CHCHD6: variants seen among roughly 807,000 people sequenced by gnomAD.
CHCHD6 encodes coiled-coil-helix-coiled-coil-helix domain containing 6.
Under a neutral mutation model 32.3 loss-of-function variants are expected in CHCHD6, and 28 were observed. The ratio of observed to expected loss-of-function variants is 0.87; its 90% CI spans 0.64 to 1.19. CHCHD6 has a LOEUF of 1.19. Ranked by LOEUF, CHCHD6 falls within the 50% of genes most tolerant of loss-of-function variation. The pLI is 0.00. For missense variants in CHCHD6, 333 were observed against 307.0 expected (o/e 1.08, Z -0.63); for synonymous variants, 122 against 117.5 (o/e 1.04, Z -0.25).
At chr3:126,798,404 G>A (rs763906691) in intron 4 of CHCHD6, among the ~76,000 whole-genome samples, 6 of 152,198 alleles carry the variant, frequency 3.9e-5, no homozygotes, top group Non-Finnish European at 7.3e-5. Context: ...TTCTGCTGAG[G>A]TTTCTCGGGT....
chr3:126,909,110 G>A (rs543102563), intron 5 of CHCHD6, among the ~76,000 whole-genome samples: 3 of 152,366 alleles, frequency 2.0e-5, no homozygotes, highest in South Asian at 4.1e-4. Flanking sequence ...GCCCAGCACA[G>A]CCTGTGCACA....
chr3:126,829,043 C>G (rs765221589), intron 4 of CHCHD6, among the ~76,000 whole-genome samples: 38 of 152,158 alleles, frequency 2.5e-4, no homozygotes, highest in Non-Finnish European at 4.0e-4. Flanking sequence ...GGGGTTATTT[C>G]CTAAACCTTC....
At position 126,733,124 on chromosome 3, in the gene CHCHD6, G is replaced by C. The variant is rs1409143517; in HGVS notation, c.313G>C (p.Ala105Pro). 2.5e-6 allele frequency: 4 copies of C among 1,614,198 alleles called. No individual in the cohort carries two copies. The highest frequency in any genetic ancestry group is 2.5e-6 in the Non-Finnish European group (3 of 1,180,010). The change falls in exon 4 of 8, where the codon GCA becomes CCA. Residue 105 changes from alanine (A) to proline (P), a missense_variant. By Grantham distance (27) the Ala-to-Pro change is conservative (BLOSUM62 -1). Coordinates refer to ENST00000290913, the MANE Select transcript of CHCHD6 (RefSeq NM_032343.3). ...TATCCAGGATAAGCTCTTCCAGGTG[G>C]CAAAGAGGGAAAGAGAGGCTGCCAC... ...AAIQDKLFQV[A>P]KREREAATKH...
intron 4 of CHCHD6, among the ~76,000 whole-genome samples, chr3:126,791,969 T>A (rs1022019416): frequency 1.1e-4 from 16 of 152,230 alleles, no homozygotes; most frequent in African/African-American, 3.6e-4. Flanking sequence ...TAGAATTATA[T>A]AGTATTTGTC....
chr3:126,898,953 C>T (rs1040226291), intron 5 of CHCHD6, among the ~76,000 whole-genome samples: 4 of 152,218 alleles, frequency 2.6e-5, no homozygotes, highest in Admixed American at 2.0e-4. Context: ...GGAAGTAGTA[C>T]ATCAAATGTA....
chr3:126,822,118 G>A (rs180823332), intron 4 of CHCHD6, among the ~76,000 whole-genome samples: 12 of 152,154 alleles, frequency 7.9e-5, no homozygotes, highest in African/African-American at 2.4e-4. Flanking sequence ...TGTAAAACAC[G>A]TATCTATAAA....
chr3:126,868,947 C>T (rs958500002), intron 5 of CHCHD6, among the ~76,000 whole-genome samples: 1 of 152,216 alleles, frequency 6.6e-6, no homozygotes, highest in African/African-American at 2.4e-5. Context: ...GCTCTCACTC[C>T]ACCGGTGGCA....
chr3:126,871,869 G>A (rs1166578094), intron 5 of CHCHD6, among the ~76,000 whole-genome samples: 3 of 151,918 alleles, frequency 2.0e-5, no homozygotes, highest in Non-Finnish European at 4.4e-5. Context: ...GTTTCACCGT[G>A]TTAACCAGGA....
rs541983472 is a variant in CHCHD6, at chr3:126,881,985, G to A, written c.495+29255G>A. Reference sequence around the variant, plus strand: ...AAACAAGGGTCTCAGTTCCTTTCACGTCCTGGATTCCAAAGGACGGCCCAG... The same window carrying A: ...AAACAAGGGTCTCAGTTCCTTTCACATCCTGGATTCCAAAGGACGGCCCAG... On this transcript the variant is annotated intron_variant, in intron 5 of 7. Transcript: ENST00000290913. Among the ~76,000 whole-genome samples the A allele has an allele frequency of 1.2e-4, 19 of 152,228 alleles. No homozygotes were observed. The South Asian group carries it at 1.5e-3, about 12-fold the overall frequency.
rs200381452 is a variant in CHCHD6, at chr3:126,865,006, T to TCCA, written c.495+12290_495+12292dup. Among the ~76,000 whole-genome samples, 1,069 of 143,182 alleles carry TCCA rather than the reference T, an allele frequency of 7.5e-3. 4 individuals carry two copies. The highest frequency in any genetic ancestry group is 0.012 in the Non-Finnish European group (811 of 65,722). The allele number at this position is 143,182 out of a possible 152,430, so 93.9% of individuals were successfully genotyped here. The stretch of plus-strand genomic sequence containing the variant: ...CACTACCACCATCACCTTTTCTTCC[T>TCCA]CCACCACCACCACCACTACCTCTAC... On this transcript the variant is annotated intron_variant, in intron 5 of 7. Transcript: ENST00000290913.
At chr3:126,817,105 G>A (rs1372770221) in intron 4 of CHCHD6, among the ~76,000 whole-genome samples, 1 of 152,136 alleles carries the variant, frequency 6.6e-6, no homozygotes. Flanking sequence ...GGATTGTTTT[G>A]CAAGGGTAAG....
intron 1 of CHCHD6, among the ~76,000 whole-genome samples, chr3:126,724,703 G>T (rs899601610): frequency 6.6e-6 from 1 of 152,148 alleles, no homozygotes; most frequent in Non-Finnish European, 1.5e-5. Context: ...TTTCAAGATC[G>T]GAGTCAGTTC....
At chr3:126,775,566 A>G (rs936181289) in intron 4 of CHCHD6, among the ~76,000 whole-genome samples, 1 of 152,220 alleles carries the variant, frequency 6.6e-6, no homozygotes, top group Non-Finnish European at 1.5e-5. Flanking sequence ...TTGAAAGGGT[A>G]AAAGGGAACA....
intron 5 of CHCHD6, among the ~76,000 whole-genome samples, chr3:126,854,461 A>G (rs1941586179): frequency 6.6e-6 from 1 of 152,234 alleles, no homozygotes. Context: ...AGGAGGCAGA[A>G]GAATGAGGCT....
At chr3:126,790,404 A>G (rs1938467700) in intron 4 of CHCHD6, among the ~76,000 whole-genome samples, 1 of 152,174 alleles carries the variant, frequency 6.6e-6, no homozygotes, top group Non-Finnish European at 1.5e-5. Context: ...CCTGGGTAAA[A>G]TAGTGCAGAG....
At position 126,957,205 on chromosome 3, in the gene CHCHD6, A is replaced by G. The variant is rs185634109; in HGVS notation, c.567-211A>G. 1.3e-3 allele frequency: 822 copies of G among 612,712 alleles called. 21 individuals carry two copies. The South Asian group carries it at 0.015, about 12-fold the overall frequency. The allele number at this position is 612,712 out of a possible 1,614,324, so 38.0% of individuals were successfully genotyped here. The stretch of plus-strand genomic sequence containing the variant: ...TCAGTGTCTGCTATATTGTGAGCCT[A>G]AGCCACCCACCACAGGGCTTGACCC... On this transcript the variant is annotated intron_variant, in intron 6 of 7. Transcript: ENST00000290913.
Position 126,888,848 on chromosome 3 carries a change from GTCCCCTGGGCT to G in CHCHD6, c.496-25828_496-25818del, listed in dbSNP as rs1329972946. On this transcript the variant is annotated intron_variant, in intron 5 of 7. Transcript: ENST00000290913. Reference sequence around the variant, plus strand: ...TGAGAGTGAGGAGCTGACCATGAGGGTCCCCTGGGCTTCCGCTCTGGGGAGAAAGTGGGCAA... The same window carrying G: ...TGAGAGTGAGGAGCTGACCATGAGGGTCCGCTCTGGGGAGAAAGTGGGCAA... Among the ~76,000 whole-genome samples, 4 of 152,200 alleles carry G rather than the reference GTCCCCTGGGCT, an allele frequency of 2.6e-5. No individual in the cohort carries two copies. In the East Asian group the frequency reaches 7.7e-4, roughly 29 times the overall value.
At chr3:126,735,535 G>A (rs1203676565) in intron 4 of CHCHD6, among the ~76,000 whole-genome samples, 4 of 152,196 alleles carry the variant, frequency 2.6e-5, no homozygotes, top group African/African-American at 9.7e-5. Flanking sequence ...TTCCTGCTGT[G>A]TGTAGACTTG....
chr3:126,890,517 G>A (rs2077742657), intron 5 of CHCHD6, among the ~76,000 whole-genome samples: 1 of 152,184 alleles, frequency 6.6e-6, no homozygotes, highest in African/African-American at 2.4e-5. Context: ...AGGCCCCTGG[G>A]GGACAGAGTC....
Sources: allele counts gnomAD v4.1 joint callset (sites outside exome capture counted in the v4.1 genomes callset), GRCh38; gene constraint gnomAD v4.1.1; transcripts MANE v1.5; gene names NCBI Gene and HGNC (gene_info 2026-07-23, HGNC 2026-07-21).